Variants in CDKN2AIPNL observed in about 807,000 individuals in gnomAD.
The protein encoded by CDKN2AIPNL is CDKN2AIP N-terminal-like protein.
A neutral mutation model predicts 12.9 loss-of-function variants in CDKN2AIPNL; 9 were observed. The ratio of observed to expected loss-of-function variants is 0.70; its 90% CI spans 0.42 to 1.22. The LOEUF is 1.22. Among genes scored for constraint, CDKN2AIPNL ranks in the 50% most tolerant of loss-of-function variants. The probability of loss-of-function intolerance (pLI) is 0.00; values close to 1 mark genes in which losing one functional copy is unlikely to be tolerated. For synonymous variants in CDKN2AIPNL, 53 were observed against 61.7 expected (o/e 0.86, Z 0.66); for missense variants, 143 against 153.6 (o/e 0.93, Z 0.37).
intron 2 of CDKN2AIPNL, among the ~76,000 whole-genome samples, chr5:134,409,545 C>T (rs1759160065): frequency 6.6e-6 from 1 of 152,090 alleles, no homozygotes; most frequent in Non-Finnish European, 1.5e-5. Context: ...CACACCGGCA[C>T]TCACACCTGG....
intron 2 of CDKN2AIPNL, among the ~76,000 whole-genome samples, chr5:134,405,396 C>G (rs917682033): frequency 6.6e-6 from 1 of 151,654 alleles, no homozygotes; most frequent in African/African-American, 2.4e-5. Flanking sequence ...TGAGCCACCG[C>G]GCCCAGCCCA....
Position 134,411,686 on chromosome 5 carries a change from C to T in CDKN2AIPNL, c.169G>A (p.Gly57Ser), listed in dbSNP as rs773727149. The T allele has an allele frequency of 3.7e-6, 6 of 1,612,978 alleles. No individual in the cohort carries two copies. Among genetic ancestry groups the T allele is most frequent in the Admixed American group, 3.3e-5 (2 of 59,942 alleles). The change falls in exon 1 of 3, where the codon GGC becomes AGC. Residue 57 changes from glycine (G) to serine (S), a missense_variant. Coordinates refer to ENST00000458198, the MANE Select transcript of CDKN2AIPNL (RefSeq NM_080656.3). ...AGCAGCTGGTCCAGGCGGCCACTGC[C>T]GTCGGGCGGGTCGCGGTAGTCGGGC... ...HLPDYRDPPD[G>S]SGRLDQLLSL... is the part of the protein sequence containing the mutation.
At chr5:134,410,896 A>T (rs953007358) in intron 1 of CDKN2AIPNL, 4 of 640,792 alleles carry the variant, frequency 6.2e-6, no homozygotes, top group Middle Eastern at 4.1e-4. Context: ...GAGTCTCAAG[A>T]TTTGCCACCT....
In CDKN2AIPNL at chr5:134,409,803, A is replaced by G. The variant is rs541345744; in HGVS notation, c.339+100T>C. 16 of 702,288 alleles carry G rather than the reference A, an allele frequency of 2.3e-5. No homozygotes were observed. In the African/African-American group the frequency reaches 2.9e-4, roughly 13 times the overall value. The allele number at this position is 702,288 out of a possible 1,614,324, so 43.5% of individuals were successfully genotyped here. On this transcript the variant is annotated intron_variant, in intron 2 of 2. Transcript: ENST00000458198. The stretch of plus-strand genomic sequence containing the variant: ...AAAGGGTATAGGTCTTTGGGGCAGT[A>G]AAGAGCATTCAAAAACAATATACTC...
intron 2 of CDKN2AIPNL, among the ~76,000 whole-genome samples, chr5:134,403,681 G>C (rs1158986014): frequency 6.6e-6 from 1 of 152,194 alleles, no homozygotes; most frequent in Non-Finnish European, 1.5e-5. Flanking sequence ...CTGGAGTGCA[G>C]TGGCACGATC....
chr5:134,406,639 C>A (rs184288745), intron 2 of CDKN2AIPNL, among the ~76,000 whole-genome samples: 1 of 152,200 alleles, frequency 6.6e-6, no homozygotes, highest in East Asian at 1.9e-4. Flanking sequence ...CAGTGACTCA[C>A]ACCAGCACTT....
At chr5:134,411,378 T>C (rs1256869982) in intron 1 of CDKN2AIPNL, among the ~76,000 whole-genome samples, 1 of 152,180 alleles carries the variant, frequency 6.6e-6, no homozygotes, top group East Asian at 1.9e-4. Flanking sequence ...TCTTCACCCT[T>C]TAATTATTAC....
Position 134,406,934 on chromosome 5 carries a change from T to G in CDKN2AIPNL, c.339+2969A>C, listed in dbSNP as rs954316369. Among the ~76,000 whole-genome samples the G allele has an allele frequency of 2.0e-5, 3 of 152,192 alleles. 1 individual carries two copies. The highest frequency in any genetic ancestry group is 4.4e-5 in the Non-Finnish European group (3 of 68,020). On this transcript the variant is annotated intron_variant, in intron 2 of 2. Transcript: ENST00000458198. ...TCTCACTTTTCAGGATCAGCTGAAT[T>G]TCACTTAGAGTGGCATCAACAGACT...
At chr5:134,403,901 G>C (rs940815874) in intron 2 of CDKN2AIPNL, among the ~76,000 whole-genome samples, 5 of 152,188 alleles carry the variant, frequency 3.3e-5, no homozygotes, top group Non-Finnish European at 7.3e-5. Flanking sequence ...TGGGATTAGA[G>C]GCGTGAGCCA....
chr5:134,407,766 C>G lies in CDKN2AIPNL; in HGVS notation c.339+2137G>C, dbSNP rs1367056535. Among the ~76,000 whole-genome samples, 9 of 138,744 alleles carry G rather than the reference C, an allele frequency of 6.5e-5. No homozygotes were observed. The South Asian group carries it at 1.8e-3, about 28-fold the overall frequency. 91.0% of individuals were successfully genotyped at this position (138,744 alleles called of 152,430 possible). The stretch of plus-strand genomic sequence containing the variant: ...CTGGGCAACAAGAGCAAAACTCCAT[C>G]TCAAAAAAAAAAAAAAAGGAAAATC... On this transcript the variant is annotated intron_variant, in intron 2 of 2. Transcript: ENST00000458198.
chr5:134,405,357 G>A (rs1330753708), intron 2 of CDKN2AIPNL, among the ~76,000 whole-genome samples: 1 of 150,750 alleles, frequency 6.6e-6, no homozygotes. Flanking sequence ...CGCCCGCCTC[G>A]GCCTCCCAAA....
intron 2 of CDKN2AIPNL, among the ~76,000 whole-genome samples, chr5:134,408,112 C>G (rs1003585831): frequency 2.0e-5 from 3 of 152,084 alleles, no homozygotes; most frequent in African/African-American, 7.2e-5. Flanking sequence ...GCCTGGGTGA[C>G]AAAGTGAGCC....
In CDKN2AIPNL at chr5:134,411,690, G is replaced by A. The variant is rs1368651312; in HGVS notation, c.165C>T (p.Pro55=). 3 of 1,613,088 alleles carry A rather than the reference G, an allele frequency of 1.9e-6. No individual in the cohort carries two copies. Among genetic ancestry groups the A allele is most frequent in the Non-Finnish European group, 2.5e-6 (3 of 1,179,850 alleles). The change falls in exon 1 of 3, where the codon CCC becomes CCT. Residue 55 remains proline (P), a synonymous_variant. Transcript: ENST00000458198. ...GCTGGTCCAGGCGGCCACTGCCGTCGGGCGGGTCGCGGTAGTCGGGCAGGT... is the reference window on the plus strand; with the variant it reads ...GCTGGTCCAGGCGGCCACTGCCGTCAGGCGGGTCGCGGTAGTCGGGCAGGT... ...LRHLPDYRDP[P]DGSGRLDQLL...
At chr5:134,407,617 A>G (rs1354666206) in intron 2 of CDKN2AIPNL, among the ~76,000 whole-genome samples, 1 of 152,024 alleles carries the variant, frequency 6.6e-6, no homozygotes, top group Non-Finnish European at 1.5e-5. Context: ...CTACTAAAAA[A>G]TACAAAAAAT....
intron 1 of CDKN2AIPNL, 56 bp downstream of exon 1, chr5:134,411,560 G>C (rs985589514): frequency 6.1e-6 from 9 of 1,466,476 alleles, no homozygotes; most frequent in Non-Finnish European, 8.5e-6. Context: ...CCCTGGGAGA[G>C]GCCTTGAGGG....
At chr5:134,403,709 C>G (rs1217741622) in intron 2 of CDKN2AIPNL, among the ~76,000 whole-genome samples, 3 of 152,238 alleles carry the variant, frequency 2.0e-5, no homozygotes, top group African/African-American at 7.2e-5. Flanking sequence ...ACTGCAACCT[C>G]TGCTGCCTGG....
Position 134,411,844 on chromosome 5 carries a change from C to A in CDKN2AIPNL, c.11G>T (p.Gly4Val). Residue 4 changes from glycine to valine, a missense_variant, in exon 1 of 3, where the codon GGC becomes GTC. By Grantham distance (109) the Gly-to-Val change is moderately radical. Around this residue, in one of 3 missense-constraint regions of CDKN2AIPNL, gnomAD observed 30 missense variants for 25.2 expected, o/e 1.19. Transcript: ENST00000458198. MVGGEAAAAVEELV... is the reference protein window; with the variant it reads MVGVEAAAAVEELV... ...CTCCTCCACTGCGGCAGCCGCCTCG[C>A]CACCGACCATGGTGCCCGCCGCAGC... The A allele has an allele frequency of 6.4e-7, 1 of 1,566,264 alleles. No homozygotes were observed. The highest frequency in any genetic ancestry group is 1.2e-5 in the South Asian group (1 of 86,260).
chr5:134,411,563 CTTGA>C (rs1438066396), intron 1 of CDKN2AIPNL, 49 bp downstream of exon 1: 15 of 1,513,670 alleles, frequency 9.9e-6, no homozygotes, highest in Non-Finnish European at 1.2e-5. Context: ...TGGGAGAGGC[CTTGA>C]GGGTCGGAAG....
intron 1 of CDKN2AIPNL, chr5:134,411,133 A>C (rs1759184598): frequency 4.3e-6 from 3 of 702,376 alleles, no homozygotes; most frequent in Non-Finnish European, 7.8e-6. Flanking sequence ...TCCTCTCATT[A>C]GTGATTAAAA....
Sources: gnomAD v4.1 joint callset for allele counts (sites outside exome capture counted in the v4.1 genomes callset) on GRCh38, gnomAD v4.1.1 for gene constraint, gnomAD v4.1.1 regional missense constraint, MANE v1.5 for transcripts, NCBI Gene and HGNC (gene_info 2026-07-23, HGNC 2026-07-21) for gene names.